CNTN2: variants seen among roughly 807,000 people sequenced by gnomAD.
CNTN2 encodes the protein contactin-2.
In CNTN2, 53 loss-of-function variants were observed where a neutral mutation model predicts 117.5. The ratio of observed to expected loss-of-function variants is 0.45; its 90% CI spans 0.36 to 0.57. CNTN2 has a LOEUF of 0.57. CNTN2 is among the 20% of genes least tolerant of loss of function. The probability of loss-of-function intolerance (pLI) is 0.00; values close to 1 mark genes in which losing one functional copy is unlikely to be tolerated. For synonymous variants in CNTN2, 530 were observed against 561.7 expected, an observed-to-expected ratio of 0.94 and a Z score of 0.80; for missense variants, 1,106 against 1,404.3, an observed-to-expected ratio of 0.79 and a Z score of 3.39.
chr1:205,062,575 G>C lies in CNTN2; in HGVS notation c.1240+6G>C. 1.9e-6 allele frequency: 3 copies of C among 1,611,132 alleles called. No individual in the cohort carries two copies. Among genetic ancestry groups the C allele is most frequent in the Non-Finnish European group, 2.5e-6 (3 of 1,178,506 alleles). Reference sequence around the variant, plus strand: ...CGCCGAGCTAGCCGTGCAAGGTAAGGGGCCCAGGGAGGCAGGGGACATCCC... The same window carrying C: ...CGCCGAGCTAGCCGTGCAAGGTAAGCGGCCCAGGGAGGCAGGGGACATCCC... On this transcript the variant is annotated splice_donor_region_variant and intron_variant, in intron 10 of 22. Transcript: ENST00000331830.
At chr1:205,056,721 G>T (rs1001835790) in intron 2 of CNTN2, among the ~76,000 whole-genome samples, 1 of 152,164 alleles carries the variant, frequency 6.6e-6, no homozygotes, top group African/African-American at 2.4e-5. Context: ...ACCTGACACC[G>T]CAGAAGCAAA....
At position 205,059,625 on chromosome 1, in the gene CNTN2, C is replaced by G. The variant is rs763480683; in HGVS notation, c.740C>G (p.Ala247Gly). Residue 247 changes from alanine (A) to glycine (G), a missense_variant, in exon 7 of 23, where the codon GCA (alanine) becomes GGA (glycine). By Grantham distance (60) the Ala-to-Gly change is moderately conservative. Transcript: ENST00000331830. The surrounding 1 kb of genome is among the most constrained non-coding windows in gnomAD (Gnocchi z 5.6). ...FAPSIKARFP[A>G]ETYALVGQQV... is the part of the protein sequence containing the mutation. Reference sequence around the variant, plus strand: ...CCCAGCATCAAGGCCCGGTTCCCAGCAGAGACCTATGCACTGGTGGGGCAG... The same window carrying G: ...CCCAGCATCAAGGCCCGGTTCCCAGGAGAGACCTATGCACTGGTGGGGCAG... 26 of 1,614,072 alleles carry G rather than the reference C, an allele frequency of 1.6e-5. No individual in the cohort carries two copies. Among genetic ancestry groups the G allele is most frequent in the Middle Eastern group, 3.3e-4 (2 of 6,084 alleles).
At chr1:205,060,961 C>T in intron 7 of CNTN2, 1 of 382,760 alleles carries the variant, frequency 2.6e-6, no homozygotes, top group Non-Finnish European at 4.7e-6. Flanking sequence ...AGAGGGCAGG[C>T]CAGCTTCAGG....
In CNTN2 at chr1:205,061,826, C is replaced by T. The variant is rs745494658; in HGVS notation, c.974-39C>T. The stretch of plus-strand genomic sequence containing the variant: ...TCCTTTTAATGAGCTGGAAGCTCCT[C>T]CTAGCTCATGCCAGGTTTTCTTTTC... On this transcript the variant is annotated intron_variant, in intron 8 of 22. Coordinates refer to ENST00000331830, the MANE Select transcript of CNTN2 (RefSeq NM_005076.5). This position sits in a 1 kb window ranked among gnomAD's most constrained non-coding sequence, Gnocchi z 4.8. 2 of 1,503,432 alleles carry T rather than the reference C, an allele frequency of 1.3e-6. No individual in the cohort carries two copies. Among genetic ancestry groups the T allele is most frequent in the Non-Finnish European group, 8.9e-7 (1 of 1,125,862 alleles). 93.1% of individuals were successfully genotyped at this position (1,503,432 alleles called of 1,614,324 possible). A position where few individuals can be genotyped will look rare whatever the true frequency, so the allele number is the denominator to read the frequency against.
Position 205,059,508 on chromosome 1 carries a change from G to A in CNTN2, c.698-75G>A, listed in dbSNP as rs533538376. 1.9e-4 allele frequency: 274 copies of A among 1,419,416 alleles called. 1 individual carries two copies. Among genetic ancestry groups the A allele is most frequent in the Middle Eastern group, 8.8e-4 (5 of 5,698 alleles). 87.9% of individuals were successfully genotyped at this position (1,419,416 alleles called of 1,614,324 possible). ...GCCTAGACAGAGTTGGCTCTGAAAG[G>A]TGCTGAGATCCCATGCACGGGAGCA... On this transcript the variant is annotated intron_variant, in intron 6 of 22. Coordinates refer to ENST00000331830, the MANE Select transcript of CNTN2 (RefSeq NM_005076.5). The surrounding 1 kb of genome is among the most constrained non-coding windows in gnomAD (Gnocchi z 5.6).
At chr1:205,045,729 A>C (rs953782882) in intron 1 of CNTN2, among the ~76,000 whole-genome samples, 1 of 152,160 alleles carries the variant, frequency 6.6e-6, no homozygotes, top group African/African-American at 2.4e-5. Flanking sequence ...ACCAGAGCAA[A>C]GAATATGCCA....
chr1:205,057,919 A>C lies in CNTN2; in HGVS notation c.71-2A>C, dbSNP rs1257042635. The C allele has an allele frequency of 6.2e-7, 1 of 1,613,122 alleles. No homozygotes were observed. Among genetic ancestry groups the C allele is most frequent in the Non-Finnish European group, 8.5e-7 (1 of 1,179,424 alleles). ...GGCATCTGGTGGTGTCATCACCTGC[A>C]GCTTGGAGTTCAGCCCTGGGATCCC... On this transcript the variant is annotated splice_acceptor_variant, in intron 2 of 22. Transcript: ENST00000331830. LOFTEE classifies it high-confidence loss of function.
rs1654929526 is a variant in CNTN2 at position 205,077,702 on chromosome 1, TG to T, written c.*3939del. ...AGAAACAAAATGGGTCAGATAGCTT[TG>T]GCCACAGCCCCAGGCAGCCTTTGGG... On this transcript the variant is annotated 3_prime_UTR_variant, in exon 23 of 23. Coordinates refer to ENST00000331830, the MANE Select transcript of CNTN2 (RefSeq NM_005076.5). The T allele has an allele frequency of 6.6e-6, 1 of 152,328 alleles. No homozygotes were observed. The highest frequency in any genetic ancestry group is 1.5e-5 in the Non-Finnish European group (1 of 68,128). The allele number at this position is 152,328 out of a possible 1,614,324, so 9.4% of individuals were successfully genotyped here.
In CNTN2 at chr1:205,059,573, C is replaced by G; in HGVS notation, c.698-10C>G. 1 of 1,613,630 alleles carries G rather than the reference C, an allele frequency of 6.2e-7. No homozygotes were observed. The highest frequency in any genetic ancestry group is 8.5e-7 in the Non-Finnish European group (1 of 1,179,520). ...ATCTGCATCTGATTTGTAAAACCCT[C>G]TCTCCCCAGATACCCGGCTCTTTGC... On this transcript the variant is annotated splice_polypyrimidine_tract_variant and intron_variant, in intron 6 of 22. Transcript: ENST00000331830. This position sits in a 1 kb window ranked among gnomAD's most constrained non-coding sequence, Gnocchi z 5.6.
chr1:205,072,055 C>T lies in CNTN2; in HGVS notation c.2653C>T (p.His885Tyr), dbSNP rs773258755. 6.2e-7 allele frequency: 1 copy of T among 1,614,130 alleles called. No homozygotes were observed. Among genetic ancestry groups the T allele is most frequent in the South Asian group, 1.1e-5 (1 of 91,078 alleles). The change falls in exon 20 of 23, where the codon CAT (histidine) becomes TAT (tyrosine). Residue 885 changes from histidine to tyrosine, a missense_variant. Transcript: ENST00000331830. ...VSGLHPNTKY[H>Y]VTVRAYNRAG... is the part of the protein sequence containing the mutation. The stretch of plus-strand genomic sequence containing the variant: ...CGGCCTGCATCCCAACACCAAGTAC[C>T]ATGTGACCGTGAGGGCCTACAACCG...
At chr1:205,064,783 C>A (rs773371921) in intron 12 of CNTN2, 33 bp downstream of exon 12, 2 of 1,611,344 alleles carry the variant, frequency 1.2e-6, no homozygotes, top group East Asian at 4.5e-5. Flanking sequence ...GCCGGGGGCT[C>A]AGCCTCCTCA....
At position 205,048,947 on chromosome 1, in the gene CNTN2, G is replaced by A. The variant is rs1306466712; in HGVS notation, c.-86-4153G>A. 6.7e-6 allele frequency among the ~76,000 whole-genome samples: 1 copy of A among 149,134 alleles called. No individual in the cohort carries two copies. The highest frequency in any genetic ancestry group is 1.5e-5 in the Non-Finnish European group (1 of 67,582). On this transcript the variant is annotated intron_variant, in intron 1 of 22. Coordinates refer to ENST00000331830, the MANE Select transcript of CNTN2 (RefSeq NM_005076.5). This position sits in a 1 kb window ranked among gnomAD's most constrained non-coding sequence, Gnocchi z 4.1. ...TGTGTGTGTGTGTGTGTGTGTGTGT[G>A]TGTGTGTGTGTGTTCACCCAAGGCT... is the stretch of plus-strand genomic sequence containing the variant.
chr1:205,069,308 G>T, intron 16 of CNTN2, 183 bp from the exon 17 acceptor site: 1 of 562,012 alleles, frequency 1.8e-6, no homozygotes, highest in Non-Finnish European at 3.2e-6. Context: ...AATGGCAGAG[G>T]TGGGATTTGA....
chr1:205,073,144 C>CT lies in CNTN2; in HGVS notation c.2922dup (p.Glu975Ter). On this transcript the variant is annotated frameshift_variant, in exon 22 of 23. Transcript: ENST00000331830. LOFTEE classifies it high-confidence loss of function. The surrounding 1 kb of genome is among the most constrained non-coding windows in gnomAD (Gnocchi z 6.3). ...AAGAACTGGATAGAAATCCCAGTGC[C>CT]TGAAGACATTGGCCATGCCCTGGTA... 1 of 1,614,158 alleles carries CT rather than the reference C, an allele frequency of 6.2e-7. No individual in the cohort carries two copies. Among genetic ancestry groups the CT allele is most frequent in the Non-Finnish European group, 8.5e-7 (1 of 1,180,026 alleles).
chr1:205,073,707 G>A lies in CNTN2; in HGVS notation c.3065G>A (p.Gly1022Asp). 5.0e-6 allele frequency: 8 copies of A among 1,614,044 alleles called. No individual in the cohort carries two copies. The highest frequency in any genetic ancestry group is 6.8e-6 in the Non-Finnish European group (8 of 1,180,020). The part of the protein sequence containing the change: ...NMAVRPAPHP[G>D]TVISHSVAML... ...GCAGTCCGCCCAGCACCACACCCTGGCACCGTCATTTCCCACTCCGTGGCG... is the reference window on the plus strand; with the variant it reads ...GCAGTCCGCCCAGCACCACACCCTGACACCGTCATTTCCCACTCCGTGGCG... Residue 1022 changes from glycine to aspartate, a missense_variant, in exon 23 of 23, where the codon GGC (glycine) becomes GAC (aspartate). Gly to Asp is a moderately conservative substitution (Grantham distance 94, BLOSUM62 -1). Transcript: ENST00000331830. This position sits in a 1 kb window ranked among gnomAD's most constrained non-coding sequence, Gnocchi z 6.3.
At chr1:205,067,001 T>G (rs1358288808) in intron 15 of CNTN2, 100 bp from the exon 16 acceptor site, 1 of 1,431,678 alleles carries the variant, frequency 7.0e-7, no homozygotes, top group African/African-American at 1.4e-5. Context: ...AGTACCGAAG[T>G]GAGGGCTGGG....
chr1:205,050,652 CTT>C (rs377475505), intron 1 of CNTN2, among the ~76,000 whole-genome samples: 182 of 152,006 alleles, frequency 1.2e-3, no homozygotes, highest in African/African-American at 4.1e-3. Context: ...GAATTTTGCT[CTT>C]GTTGCCCAGG....
At chr1:205,047,631 T>C (rs1334107429) in intron 1 of CNTN2, among the ~76,000 whole-genome samples, 2 of 152,082 alleles carry the variant, frequency 1.3e-5, no homozygotes, top group Non-Finnish European at 2.9e-5. Flanking sequence ...CTATGACCAT[T>C]GCACCTTTGA....
chr1:205,051,132 G>C (rs2096452064), intron 1 of CNTN2, among the ~76,000 whole-genome samples: 1 of 152,212 alleles, frequency 6.6e-6, no homozygotes, highest in Non-Finnish European at 1.5e-5. Context: ...AGTTGTTCTT[G>C]ACCAGTTAAA....
Sources: gnomAD v4.1 joint callset for allele counts (sites outside exome capture counted in the v4.1 genomes callset) on GRCh38, gnomAD v4.1.1 for gene constraint, Gnocchi (gnomAD v3.1) non-coding constraint, MANE v1.5 for transcripts, NCBI Gene and HGNC (gene_info 2026-07-23, HGNC 2026-07-21) for gene names.